The following AMZ1 variants were observed in gnomAD, a reference collection of about 807,000 sequenced individuals.
AMZ1 encodes the protein archaemetzincin-1.
Under a neutral mutation model 29.9 loss-of-function variants are expected in AMZ1, and 39 were observed. The ratio of observed to expected loss-of-function variants is 1.30; its 90% CI spans 1.01 to 1.70. The LOEUF is 1.70. Among genes scored for constraint, AMZ1 ranks in the 40% most tolerant of loss-of-function variants. The pLI is 0.00. For synonymous variants in AMZ1, 458 were observed against 304.0 expected, an observed-to-expected ratio of 1.51 and a Z score of -5.27; for missense variants, 1,041 against 680.6, an observed-to-expected ratio of 1.53 and a Z score of -5.89.
Position 2,731,638 on chromosome 7 carries a change from C to G in AMZ1, n.550+21822C>G. 1 of 1,613,656 alleles carries G rather than the reference C, an allele frequency of 6.2e-7. No homozygotes were observed. Among genetic ancestry groups the G allele is most frequent in the Non-Finnish European group, 8.5e-7 (1 of 1,179,826 alleles). On this transcript the variant is annotated intron_variant and non_coding_transcript_variant, in intron 4 of 4. Coordinates refer to the AMZ1 transcript ENST00000489665. This position sits in a 1 kb window ranked among gnomAD's most constrained non-coding sequence, Gnocchi z 6.0. ...CCACTTCTGGCGCTGGGACCGCTGG[C>G]CGCCCACATCCACCATCTTAAAGGG...
chr7:2,706,071 T>C (rs1164739257), intron 3 of AMZ1, among the ~76,000 whole-genome samples: 2 of 152,188 alleles, frequency 1.3e-5, no homozygotes, highest in South Asian at 4.1e-4. Context: ...CTTCAGAAGG[T>C]GCACGGGGGA....
chr7:2,698,900 T>C (rs915457287), intron 1 of AMZ1, among the ~76,000 whole-genome samples: 11 of 152,082 alleles, frequency 7.2e-5, no homozygotes, highest in Non-Finnish European at 1.3e-4. Context: ...AACATAGCTG[T>C]TTCTGGTTTT....
Position 2,700,341 on chromosome 7 carries a change from C to T in AMZ1, c.-111C>T. The T allele has an allele frequency of 7.8e-7, 1 of 1,282,682 alleles. No individual in the cohort carries two copies. Among genetic ancestry groups the T allele is most frequent in the African/African-American group, 1.5e-5 (1 of 67,110 alleles). 79.5% of individuals were successfully genotyped at this position (1,282,682 alleles called of 1,614,324 possible). ...TCTGTCTGCAGGGAGCCCCCGGTAG[C>T]CACTCGGATCAGCCCGAGGGAAGAT... On this transcript the variant is annotated 5_prime_UTR_variant, in exon 2 of 7. Transcript: ENST00000683327.
chr7:2,687,247 A>G (rs1404721493), upstream of AMZ1, among the ~76,000 whole-genome samples: 1 of 151,326 alleles, frequency 6.6e-6, no homozygotes, highest in Non-Finnish European at 1.5e-5. Flanking sequence ...GAATGACTTG[A>G]ACCCCGGAGG....
chr7:2,707,258 C>T (rs897505980), intron 3 of AMZ1, among the ~76,000 whole-genome samples: 2 of 144,096 alleles, frequency 1.4e-5, no homozygotes, highest in East Asian at 4.2e-4. Flanking sequence ...GCCTGGGCAA[C>T]AAAGCAACAC....
chr7:2,718,593 G>C lies in AMZ1; in HGVS notation c.*5715G>C, dbSNP rs933692940. Among the ~76,000 whole-genome samples the C allele has an allele frequency of 1.3e-5, 2 of 152,238 alleles. No individual in the cohort carries two copies. The highest frequency in any genetic ancestry group is 2.9e-5 in the Non-Finnish European group (2 of 68,048). On this transcript the variant is annotated 3_prime_UTR_variant, in exon 7 of 7. Coordinates refer to ENST00000683327, the MANE Select transcript of AMZ1 (RefSeq NM_001384743.1). ...GGCTGACGGCTCCCGGGGGCAGTGT[G>C]GGGTCCAGTCTGAAGCCGACGCCCC...
chr7:2,724,459 A>G (rs116189308), downstream of AMZ1, among the ~76,000 whole-genome samples: 349 of 152,326 alleles, frequency 2.3e-3, 2 homozygotes, highest in African/African-American at 8.2e-3. Context: ...CTGGAACAAG[A>G]GCCCTTCATT....
intron 4 of AMZ1, among the ~76,000 whole-genome samples, chr7:2,743,504 T>C (rs1004392792): frequency 1.3e-5 from 2 of 152,136 alleles, no homozygotes; most frequent in African/African-American, 2.4e-5. Flanking sequence ...TCAATTAGGT[T>C]AAAAATGCTC....
At chr7:2,752,855 A>C (rs181752614) in intron 4 of AMZ1, among the ~76,000 whole-genome samples, 6 of 152,302 alleles carry the variant, frequency 3.9e-5, no homozygotes, top group Admixed American at 2.0e-4. Context: ...TTATAGTACA[A>C]TATCAGAACC....
Position 2,700,699 on chromosome 7 carries a change from C to T in AMZ1, c.248C>T (p.Ser83Phe). Reference sequence around the variant, plus strand: ...GAGGACTTCCAGACCTTCCACGCCTCCCTGCAGCACCGGAAGCCCCGCCTG... The same window carrying T: ...GAGGACTTCCAGACCTTCCACGCCTTCCTGCAGCACCGGAAGCCCCGCCTG... Reference protein sequence around the residue: ...APEDFQTFHASLQHRKPRLAR... With the variant: ...APEDFQTFHAFLQHRKPRLAR... The change falls in exon 2 of 7, where the codon TCC (serine) becomes TTC (phenylalanine). Residue 83 changes from serine (S) to phenylalanine (F), a missense_variant. Transcript: ENST00000683327. 6.2e-7 allele frequency: 1 copy of T among 1,613,174 alleles called. No individual in the cohort carries two copies. The highest frequency in any genetic ancestry group is 1.3e-5 in the African/African-American group (1 of 75,056).
chr7:2,734,128 C>G (rs978193442), intron 4 of AMZ1, among the ~76,000 whole-genome samples: 4 of 152,288 alleles, frequency 2.6e-5, no homozygotes, highest in Admixed American at 6.5e-5. Context: ...TCGATACAAT[C>G]TGAGACGTGT....
chr7:2,756,369 G>T (rs1251044167), intron 4 of AMZ1, among the ~76,000 whole-genome samples: 4 of 152,168 alleles, frequency 2.6e-5, no homozygotes, highest in Non-Finnish European at 4.4e-5. Flanking sequence ...AAAAACATAG[G>T]ATGTCAGGTA....
At chr7:2,700,886 C>A (rs1231038598) in intron 2 of AMZ1, 131 bp downstream of exon 2, 10 of 1,274,700 alleles carry the variant, frequency 7.8e-6, no homozygotes, top group Admixed American at 2.5e-5. Flanking sequence ...GTATGGGATG[C>A]CAGGGTGGAG....
chr7:2,752,257 C>G lies in AMZ1; in HGVS notation n.551-12455C>G, dbSNP rs143708369. 2.3e-3 allele frequency among the ~76,000 whole-genome samples: 353 copies of G among 152,102 alleles called. 2 individuals are homozygous for G. The highest frequency in any genetic ancestry group is 2.0e-3 in the Non-Finnish European group (133 of 67,994). ...CATGCTCAGGGCTTAAAAAAAAAGT[C>G]CTCTCTCACCAGACTAATAGAAAGA... On this transcript the variant is annotated intron_variant and non_coding_transcript_variant, in intron 4 of 4. Coordinates refer to the AMZ1 transcript ENST00000489665.
At chr7:2,727,494 G>A (rs142278996) in intron 4 of AMZ1, among the ~76,000 whole-genome samples, 2,980 of 152,132 alleles carry the variant, frequency 0.02, 116 homozygotes, top group African/African-American at 0.068. Flanking sequence ...TTCTGCCTCA[G>A]CCTCCCAAGT....
At chr7:2,744,682 G>C (rs190576802) in intron 4 of AMZ1, among the ~76,000 whole-genome samples, 1 of 152,200 alleles carries the variant, frequency 6.6e-6, no homozygotes, top group Non-Finnish European at 1.5e-5. Flanking sequence ...TGACTTTGAC[G>C]AGTTGAGAAA....
rs907063805 is a variant in AMZ1 at position 2,688,345 on chromosome 7, C to T, written c.-219+49C>T. The T allele has an allele frequency of 5.9e-5, 9 of 151,728 alleles. No homozygotes were observed. The South Asian group carries it at 1.9e-3, about 31-fold the overall frequency. The allele number at this position is 151,728 out of a possible 1,614,324, so 9.4% of individuals were successfully genotyped here. ...TCGGGGGCGCAGGGACCGAGAGGGACCTCCGTGCCGGGGCGGGTGGGTAGG... is the reference window on the plus strand; with the variant it reads ...TCGGGGGCGCAGGGACCGAGAGGGATCTCCGTGCCGGGGCGGGTGGGTAGG... On this transcript the variant is annotated intron_variant, in intron 1 of 6. Transcript: ENST00000683327.
At chr7:2,739,570 G>T (rs1341016553) in intron 4 of AMZ1, among the ~76,000 whole-genome samples, 1 of 152,092 alleles carries the variant, frequency 6.6e-6, no homozygotes, top group African/African-American at 2.4e-5. Context: ...CCAGTTTTTG[G>T]CCGTTGTGAA....
intron 4 of AMZ1, among the ~76,000 whole-genome samples, chr7:2,756,417 A>T (rs1791297155): frequency 6.6e-6 from 1 of 152,164 alleles, no homozygotes; most frequent in South Asian, 2.1e-4. Flanking sequence ...GTTCAAGACC[A>T]GCCTGGGCAA....
Sources: gnomAD v4.1 joint callset for allele counts (sites outside exome capture counted in the v4.1 genomes callset) on GRCh38, gnomAD v4.1.1 for gene constraint, Gnocchi (gnomAD v3.1) non-coding constraint, MANE v1.5 for transcripts, NCBI Gene and HGNC (gene_info 2026-07-23, HGNC 2026-07-21) for gene names.